The following TANGO2 variants were observed in gnomAD, a reference collection of about 807,000 sequenced individuals.
The protein encoded by TANGO2 is transport and Golgi organization protein 2 homolog.
In TANGO2, 26 loss-of-function variants were observed where a neutral mutation model predicts 39.1. The observed-to-expected ratio is 0.67, with a 90% CI of 0.49 to 0.92. The LOEUF (loss-of-function observed/expected upper bound fraction) is 0.92. TANGO2 is among the 40% of genes least tolerant of loss of function. The pLI is 0.00. For missense variants in TANGO2, 326 were observed against 360.1 expected (o/e 0.91, Z 0.77); for synonymous variants, 131 against 144.5 (o/e 0.91, Z 0.67).
At chr22:20,064,049 G>A (rs1282155488) in intron 8 of TANGO2, among the ~76,000 whole-genome samples, 1 of 152,220 alleles carries the variant, frequency 6.6e-6, no homozygotes, top group Admixed American at 6.5e-5. Context: ...TTGGAGGAGA[G>A]GAGAGTGTGC....
Position 20,053,762 on chromosome 22 carries a change from G to A in TANGO2, c.380+211G>A, listed in dbSNP as rs1324689660. 1.7e-5 allele frequency: 10 copies of A among 604,362 alleles called. No homozygotes were observed. The East Asian group carries it at 3.3e-4, about 20-fold the overall frequency. 37.4% of individuals were successfully genotyped at this position (604,362 alleles called of 1,614,324 possible). On this transcript the variant is annotated intron_variant, in intron 5 of 8. Transcript: ENST00000327374. ...GTGAAGCCCAAGGCTTCCTGTGATG[G>A]CATGAGGGCTGCCGGATCCCTGGAG...
At chr22:20,056,584 C>T in intron 6 of TANGO2, 1 of 456,790 alleles carries the variant, frequency 2.2e-6, no homozygotes, top group South Asian at 1.5e-5. Context: ...CATGCCCTTC[C>T]TTTCCCCCTC....
chr22:20,053,245 G>A, intron 4 of TANGO2, 192 bp from the exon 5 acceptor site: 1 of 549,196 alleles, frequency 1.8e-6, no homozygotes, highest in Admixed American at 3.2e-5. Flanking sequence ...AAAATGAGCA[G>A]TTTTCAGTGC....
intron 3 of TANGO2, among the ~76,000 whole-genome samples, chr22:20,052,089 G>C (rs977123421): frequency 6.6e-6 from 1 of 152,346 alleles, no homozygotes; most frequent in South Asian, 2.1e-4. Flanking sequence ...GGTGCATCCT[G>C]CTGGGTGAGG....
chr22:20,053,872 C>T (rs982943139), intron 5 of TANGO2: 3 of 405,444 alleles, frequency 7.4e-6, no homozygotes, highest in Non-Finnish European at 9.9e-6. Context: ...CAGAGCAGCC[C>T]TCCGCAGCCC....
At position 20,060,273 on chromosome 22, in the gene TANGO2, C is replaced by T. The variant is rs898631427; in HGVS notation, c.452-1257C>T. Among the ~76,000 whole-genome samples the T allele has an allele frequency of 1.0e-4, 15 of 142,940 alleles. No homozygotes were observed. In the Admixed American group the frequency reaches 1.1e-3, roughly 11 times the overall value. 93.8% of individuals were successfully genotyped at this position (142,940 alleles called of 152,430 possible). Reference sequence around the variant, plus strand: ...CTGAGACAGGAGAATGGCGTGAACCCGGGAGGTGGAGCTTGCAGTGAGCCG... The same window carrying T: ...CTGAGACAGGAGAATGGCGTGAACCTGGGAGGTGGAGCTTGCAGTGAGCCG... On this transcript the variant is annotated intron_variant, in intron 6 of 8. Transcript: ENST00000327374.
intron 3 of TANGO2, among the ~76,000 whole-genome samples, chr22:20,051,799 G>C (rs1054768416): frequency 6.6e-6 from 1 of 152,184 alleles, no homozygotes; most frequent in Non-Finnish European, 1.5e-5. Context: ...GCAGTGAACT[G>C]TGTGATTGCC....
At chr22:20,055,753 A>G (rs1032595981) in intron 5 of TANGO2, 190 bp from the exon 6 acceptor site, 3 of 620,802 alleles carry the variant, frequency 4.8e-6, no homozygotes, top group Non-Finnish European at 8.7e-6. Context: ...GATGCTGGAC[A>G]AGAGCTGGGG....
chr22:20,053,221 A>T (rs2046723052), intron 4 of TANGO2: 3 of 469,372 alleles, frequency 6.4e-6, no homozygotes, highest in South Asian at 2.6e-5. Flanking sequence ...TAGTGGGGAA[A>T]TTTTTTTTTT....
upstream of TANGO2, among the ~76,000 whole-genome samples, chr22:20,017,942 C>T (rs1413777734): frequency 6.6e-6 from 1 of 152,182 alleles, no homozygotes; most frequent in Non-Finnish European, 1.5e-5. Context: ...ACCAGTTCCT[C>T]GGCTCATTGC....
chr22:20,036,612 C>A (rs909912349), intron 1 of TANGO2, 148 bp from the exon 2 acceptor site: 3 of 693,468 alleles, frequency 4.3e-6, no homozygotes, highest in Non-Finnish European at 7.5e-6. Flanking sequence ...GTGGCACCGG[C>A]CAAGAGTGTG....
At chr22:20,029,922 T>C (rs2531708) in intron 1 of TANGO2, among the ~76,000 whole-genome samples, 63,918 of 152,080 alleles carry the variant, frequency 0.42, 15,196 homozygotes, top group South Asian at 0.58. Context: ...CGACCTCTTT[T>C]GTCACATCTG....
At position 20,052,393 on chromosome 22, in the gene TANGO2, C is replaced by T; in HGVS notation, c.146-72C>T. ...CAGGAGCTGGGCCGAGTATGCGTCTCCCAGGGCTGGGAACCAGGTGGGGGA... is the reference window on the plus strand; with the variant it reads ...CAGGAGCTGGGCCGAGTATGCGTCTTCCAGGGCTGGGAACCAGGTGGGGGA... On this transcript the variant is annotated intron_variant, in intron 3 of 8. Transcript: ENST00000327374. The T allele has an allele frequency of 3.2e-6, 5 of 1,545,746 alleles. No homozygotes were observed. In the South Asian group the frequency reaches 6.0e-5, roughly 19 times the overall value.
rs1051365587 is a variant in TANGO2, at chr22:20,042,633, C to T, written c.57-722C>T. ...ACAAAAAATTAGCTGGGTGTGGTGGCGGGTGCCTGTAATCCCAGCTACTCA... is the reference window on the plus strand; with the variant it reads ...ACAAAAAATTAGCTGGGTGTGGTGGTGGGTGCCTGTAATCCCAGCTACTCA... On this transcript the variant is annotated intron_variant, in intron 2 of 8. Transcript: ENST00000327374. Among the ~76,000 whole-genome samples, 6 of 152,026 alleles carry T rather than the reference C, an allele frequency of 3.9e-5. No individual in the cohort carries two copies. In the South Asian group the frequency reaches 6.2e-4, roughly 16 times the overall value.
chr22:20,039,865 A>C (rs1402638012), intron 2 of TANGO2, among the ~76,000 whole-genome samples: 1 of 131,120 alleles, frequency 7.6e-6, no homozygotes, highest in Admixed American at 7.9e-5. Context: ...TCACCCCCCG[A>C]GATGATGCAC....
At chr22:20,030,559 C>G (rs1287380069) in intron 1 of TANGO2, among the ~76,000 whole-genome samples, 1 of 152,144 alleles carries the variant, frequency 6.6e-6, no homozygotes, top group African/African-American at 2.4e-5. Context: ...ATTGGCCAGG[C>G]TGGTCTCGAA....
rs1456964778 is a variant in TANGO2, at chr22:20,052,573, C to A, written c.254C>A (p.Ala85Asp). 1 of 1,575,360 alleles carries A rather than the reference C, an allele frequency of 6.3e-7. No individual in the cohort carries two copies. The highest frequency in any genetic ancestry group is 1.2e-5 in the South Asian group (1 of 85,944). ...CTGCAGCCGCAGCTGGACTGGCAGGCCCGAGGGCGAGGTAAGGCGAGTGGG... is the reference window on the plus strand; with the variant it reads ...CTGCAGCCGCAGCTGGACTGGCAGGACCGAGGGCGAGGTAAGGCGAGTGGG... ...NYLQPQLDWQ[A>D]RGRGELVTHF... is the part of the protein sequence containing the mutation. Residue 85 changes from alanine to aspartate, a missense_variant, in exon 4 of 9, where the codon GCC becomes GAC. Coordinates refer to ENST00000327374, the MANE Select transcript of TANGO2 (RefSeq NM_152906.7).
rs1262504354 is a variant in TANGO2 at position 20,052,590 on chromosome 22, G to A, written c.265+6G>A. On this transcript the variant is annotated splice_donor_region_variant and intron_variant, in intron 4 of 8. Coordinates refer to ENST00000327374, the MANE Select transcript of TANGO2 (RefSeq NM_152906.7). ...CTGGCAGGCCCGAGGGCGAGGTAAG[G>A]CGAGTGGGGTGGGGCCAAGGTGAGA... 8.3e-6 allele frequency: 13 copies of A among 1,558,584 alleles called. No individual in the cohort carries two copies. The highest frequency in any genetic ancestry group is 1.1e-5 in the Non-Finnish European group (13 of 1,151,542).
chr22:20,040,454 C>T (rs936973169), intron 2 of TANGO2, among the ~76,000 whole-genome samples: 1 of 152,186 alleles, frequency 6.6e-6, no homozygotes, highest in African/African-American at 2.4e-5. Flanking sequence ...CTGGCTCCCC[C>T]GACCCCTGTT....
Sources: gnomAD v4.1 joint callset for allele counts (sites outside exome capture counted in the v4.1 genomes callset) on GRCh38, gnomAD v4.1.1 for gene constraint, MANE v1.5 for transcripts, NCBI Gene and HGNC (gene_info 2026-07-23, HGNC 2026-07-21) for gene names.